GRAMD1C: variants seen among roughly 807,000 people sequenced by gnomAD.
GRAMD1C encodes the protein GRAM domain containing 1C.
GRAMD1C carries 89 observed loss-of-function variants against 97.8 expected under a neutral mutation model. The observed-to-expected ratio is 0.91, with a 90% CI of 0.77 to 1.09. GRAMD1C has a LOEUF of 1.09. Ranked by LOEUF, GRAMD1C falls within the 50% of genes least tolerant of loss-of-function variation. GRAMD1C has a pLI of 0.00. For synonymous variants in GRAMD1C, 256 were observed against 267.0 expected, an observed-to-expected ratio of 0.96 and a Z score of 0.40; for missense variants, 740 against 766.4, an observed-to-expected ratio of 0.97 and a Z score of 0.41.
chr3:113,853,354 A>G (rs1933988981), intron 2 of GRAMD1C, among the ~76,000 whole-genome samples: 1 of 152,216 alleles, frequency 6.6e-6, no homozygotes. Flanking sequence ...TTTAAGATGT[A>G]AAGGAAATAG....
intron 2 of GRAMD1C, among the ~76,000 whole-genome samples, chr3:113,847,586 A>G (rs898089637): frequency 5.9e-5 from 9 of 152,212 alleles, no homozygotes; most frequent in African/African-American, 1.9e-4. Flanking sequence ...ATCTACCACA[A>G]CTCTAGCATG....
chr3:113,849,638 A>G lies in GRAMD1C; in HGVS notation c.174+4989A>G, dbSNP rs1577122265. Among the ~76,000 whole-genome samples, 5 of 152,322 alleles carry G rather than the reference A, an allele frequency of 3.3e-5. No individual in the cohort carries two copies. The South Asian group carries it at 1.0e-3, about 32-fold the overall frequency. On this transcript the variant is annotated intron_variant, in intron 2 of 17. Coordinates refer to ENST00000358160, the MANE Select transcript of GRAMD1C (RefSeq NM_017577.5). ...AAGGTCACAGATCAACAGGATCCCA[A>G]GGCAGAAGAATTTTTCTTAGTACAG...
In GRAMD1C at chr3:113,939,873, T is replaced by A; in HGVS notation, c.1692-13T>A. The stretch of plus-strand genomic sequence containing the variant: ...GGAAAAGTGTGGATTAACATATAAT[T>A]TGCTCTGCCTAGTGTGTTGTTATTA... On this transcript the variant is annotated splice_polypyrimidine_tract_variant and intron_variant, in intron 15 of 17. Coordinates refer to ENST00000358160, the MANE Select transcript of GRAMD1C (RefSeq NM_017577.5). 7.3e-7 allele frequency: 1 copy of A among 1,379,200 alleles called. No individual in the cohort carries two copies. Among genetic ancestry groups the A allele is most frequent in the Non-Finnish European group, 1.0e-6 (1 of 966,362 alleles). The allele number at this position is 1,379,200 out of a possible 1,614,324, so 85.4% of individuals were successfully genotyped here. A position where few individuals can be genotyped will look rare whatever the true frequency, so the allele number is the denominator to read the frequency against.
chr3:113,939,138 ATCT>A (rs1450293815), intron 15 of GRAMD1C: 1 of 152,156 alleles, frequency 6.6e-6, no homozygotes, highest in East Asian at 1.9e-4. Flanking sequence ...TTAAAAATAA[ATCT>A]TCTTGATGGG....
chr3:113,839,018 C>A, intron 1 of GRAMD1C, 82 bp downstream of exon 1: 1 of 853,130 alleles, frequency 1.2e-6, no homozygotes, highest in Non-Finnish European at 1.6e-6. Flanking sequence ...TGAACCTTCT[C>A]AGATTACAGT....
intron 2 of GRAMD1C, among the ~76,000 whole-genome samples, chr3:113,848,669 T>C (rs1933721587): frequency 6.6e-6 from 1 of 152,154 alleles, no homozygotes; most frequent in Non-Finnish European, 1.5e-5. Flanking sequence ...TAGCTGGCTG[T>C]GGTGGCTTGC....
At chr3:113,839,001 G>T in intron 1 of GRAMD1C, 65 bp downstream of exon 1, 2 of 1,010,468 alleles carry the variant, frequency 2.0e-6, no homozygotes, top group Non-Finnish European at 2.6e-6. Flanking sequence ...TTCTCACGGT[G>T]ATTGCTTGAA....
intron 10 of GRAMD1C, among the ~76,000 whole-genome samples, chr3:113,921,335 A>C (rs1435325315): frequency 6.6e-6 from 1 of 152,152 alleles, no homozygotes; most frequent in Non-Finnish European, 1.5e-5. Context: ...GGTTGATTGC[A>C]TGTCTTTACT....
chr3:113,840,951 G>A (rs1248743068), intron 1 of GRAMD1C, among the ~76,000 whole-genome samples: 1 of 152,230 alleles, frequency 6.6e-6, no homozygotes, highest in Non-Finnish European at 1.5e-5. Flanking sequence ...ATGATGGCAA[G>A]ACTGCGTACT....
rs761336771 is a variant in GRAMD1C at position 113,844,603 on chromosome 3, A to C, written c.128A>C (p.Lys43Thr). Reference protein sequence around the residue: ...TVEENNVVVKKQGPNLHNWSG... With the variant: ...TVEENNVVVKTQGPNLHNWSG... Reference sequence around the variant, plus strand: ...GAAGAGAATAATGTGGTAGTTAAAAAACAGGGGCCAAATTTACATAATTGG... The same window carrying C: ...GAAGAGAATAATGTGGTAGTTAAAACACAGGGGCCAAATTTACATAATTGG... Residue 43 changes from lysine to threonine, a missense_variant, in exon 2 of 18, where the codon AAA (lysine) becomes ACA (threonine). By Grantham distance (78) the Lys-to-Thr change is moderately conservative. Transcript: ENST00000358160. 4.7e-5 allele frequency: 75 copies of C among 1,606,352 alleles called. No homozygotes were observed. Among genetic ancestry groups the C allele is most frequent in the South Asian group, 1.3e-4 (12 of 89,850 alleles).
chr3:113,928,050 G>T (rs867263799), intron 10 of GRAMD1C, among the ~76,000 whole-genome samples: 3 of 152,130 alleles, frequency 2.0e-5, no homozygotes, highest in Non-Finnish European at 4.4e-5. Context: ...TCTTACACAG[G>T]TGCCTGTGTA....
At chr3:113,839,025 C>T (rs1709703852) in intron 1 of GRAMD1C, 89 bp downstream of exon 1, 2 of 768,012 alleles carry the variant, frequency 2.6e-6, no homozygotes, top group Non-Finnish European at 3.6e-6. Flanking sequence ...TCTCAGATTA[C>T]AGTTAATCCC....
At chr3:113,942,126 C>A (rs1270796698) in intron 17 of GRAMD1C, among the ~76,000 whole-genome samples, 2 of 151,872 alleles carry the variant, frequency 1.3e-5, no homozygotes, top group Non-Finnish European at 2.9e-5. Context: ...GTTGCCCAGG[C>A]TGGTCTCAAA....
intron 3 of GRAMD1C, among the ~76,000 whole-genome samples, chr3:113,871,459 G>A (rs970855474): frequency 6.6e-6 from 1 of 151,858 alleles, no homozygotes; most frequent in African/African-American, 2.4e-5. Context: ...CTTGAGCCCA[G>A]GAGTTCGAGA....
At chr3:113,849,362 T>C (rs1041338070) in intron 2 of GRAMD1C, among the ~76,000 whole-genome samples, 5 of 151,690 alleles carry the variant, frequency 3.3e-5, no homozygotes, top group Non-Finnish European at 5.9e-5. Context: ...GGCAGGGTCA[T>C]AGGACAATAG....
At chr3:113,914,808 A>T (rs563511152) in intron 9 of GRAMD1C, among the ~76,000 whole-genome samples, 2 of 152,020 alleles carry the variant, frequency 1.3e-5, no homozygotes, top group Non-Finnish European at 2.9e-5. Context: ...CTCACTAGCC[A>T]TGGAGCCTCG....
chr3:113,866,732 A>G (rs1158864789), intron 2 of GRAMD1C, among the ~76,000 whole-genome samples: 1 of 152,170 alleles, frequency 6.6e-6, no homozygotes, highest in Non-Finnish European at 1.5e-5. Context: ...GATTCATACT[A>G]ATTTAATTCT....
chr3:113,865,018 G>C (rs1189760882), intron 2 of GRAMD1C, among the ~76,000 whole-genome samples: 1 of 152,114 alleles, frequency 6.6e-6, no homozygotes, highest in Non-Finnish European at 1.5e-5. Context: ...GATTTATTTG[G>C]CTCATGGTTC....
chr3:113,935,861 AC>A (rs1361241768), intron 13 of GRAMD1C, among the ~76,000 whole-genome samples: 2 of 152,068 alleles, frequency 1.3e-5, no homozygotes, highest in African/African-American at 4.8e-5. Flanking sequence ...TTTCTTGTAA[AC>A]CTTTGTTGAA....
Sources: gnomAD v4.1 joint callset for allele counts (sites outside exome capture counted in the v4.1 genomes callset) on GRCh38, gnomAD v4.1.1 for gene constraint, MANE v1.5 for transcripts, NCBI Gene and HGNC (gene_info 2026-07-23, HGNC 2026-07-21) for gene names.